Variants in PCDH11X observed in about 807,000 individuals in gnomAD.
PCDH11X encodes the protein protocadherin-11 X-linked.
A neutral mutation model predicts 53.3 loss-of-function variants in PCDH11X; 18 were observed. The observed-to-expected ratio is 0.34, with a 90% confidence interval of 0.23 to 0.50. PCDH11X has a LOEUF of 0.50. Ranked by LOEUF, PCDH11X falls within the 20% of genes least tolerant of loss-of-function variation. The pLI is 0.98. For missense variants in PCDH11X, 570 were observed against 1,032.4 expected, an observed-to-expected ratio of 0.55 and a Z score of 6.14; for synonymous variants, 279 against 393.3, an observed-to-expected ratio of 0.71 and a Z score of 3.44.
intron 6 of PCDH11X, among the ~76,000 whole-genome samples, chrX:92,145,182 G>T (rs927002683): frequency 3.6e-5 from 4 of 111,202 alleles, no homozygotes; most frequent in Non-Finnish European, 7.5e-5. Context: ...CTCTAATTTT[G>T]TATTCATTAA....
chrX:92,014,132 C>A (rs1477530224), intron 6 of PCDH11X, among the ~76,000 whole-genome samples: 1 of 110,201 alleles, frequency 9.1e-6, no homozygotes, highest in Non-Finnish European at 1.9e-5. Context: ...GCAATCTACT[C>A]ATCTGACAAA....
At chrX:92,287,441 G>T (rs957877940) in intron 8 of PCDH11X, among the ~76,000 whole-genome samples, 11 of 110,922 alleles carry the variant, frequency 9.9e-5, no homozygotes, top group African/African-American at 3.6e-4. Flanking sequence ...TGCAGTATTT[G>T]GTTTTCTGTT....
At chrX:92,132,117 CAA>C (rs1213410170) in intron 6 of PCDH11X, among the ~76,000 whole-genome samples, 5 of 41,090 alleles carry the variant, frequency 1.2e-4, no homozygotes, top group Non-Finnish European at 9.7e-5. Flanking sequence ...ACTAAAAATA[CAA>C]AAAAAAAAAA....
At chrX:92,570,138 G>T (rs1292743271) in intron 10 of PCDH11X, among the ~76,000 whole-genome samples, 17 of 108,094 alleles carry the variant, frequency 1.6e-4, no homozygotes, top group Non-Finnish European at 2.5e-4. Flanking sequence ...TTTAAATTTT[G>T]CAGGAGCTAT....
chrX:92,492,215 T>C (rs1293772311), intron 10 of PCDH11X, among the ~76,000 whole-genome samples: 1 of 112,143 alleles, frequency 8.9e-6, no homozygotes, highest in Admixed American at 9.5e-5. Flanking sequence ...GCTAATTGGC[T>C]CTGAGCCTCT....
rs780814273 is a variant in PCDH11X at position 92,256,410 on chromosome X, G to A, written c.3115-6704G>A. Among the ~76,000 whole-genome samples the A allele has an allele frequency of 2.3e-3, 255 of 110,602 alleles. 2 individuals carry two copies. Among genetic ancestry groups the A allele is most frequent in the African/African-American group, 6.9e-3 (211 of 30,568 alleles). On this transcript the variant is annotated intron_variant, in intron 7 of 10. Coordinates refer to ENST00000682573, the MANE Select transcript of PCDH11X (RefSeq NM_032968.5). Reference sequence around the variant, plus strand: ...GCAGAAATCACCCATCTTCTGTGTCGCTCAGGCTGGGAGCTGTAGACCGGA... The same window carrying A: ...GCAGAAATCACCCATCTTCTGTGTCACTCAGGCTGGGAGCTGTAGACCGGA...
intron 5 of PCDH11X, among the ~76,000 whole-genome samples, chrX:91,853,269 T>C (rs1213880467): frequency 9.0e-6 from 1 of 111,402 alleles, no homozygotes; most frequent in East Asian, 2.8e-4. Flanking sequence ...ATTTCACTAA[T>C]TGCACAAAAG....
chrX:91,941,978 T>G lies in PCDH11X; in HGVS notation c.3033+62705T>G, dbSNP rs1490139134. On this transcript the variant is annotated intron_variant, in intron 6 of 10. Transcript: ENST00000682573. Reference sequence around the variant, plus strand: ...ATTATTGGTACCAAAATAAAACATTTTGAACTGAATGGAAATGGAAAAATC... The same window carrying G: ...ATTATTGGTACCAAAATAAAACATTGTGAACTGAATGGAAATGGAAAAATC... Among the ~76,000 whole-genome samples the G allele has an allele frequency of 5.4e-5, 6 of 110,404 alleles. No individual in the cohort carries two copies. In the East Asian group the frequency reaches 1.7e-3, roughly 31 times the overall value.
At chrX:91,994,190 CT>C (rs1231039726) in intron 6 of PCDH11X, among the ~76,000 whole-genome samples, 3 of 96,935 alleles carry the variant, frequency 3.1e-5, no homozygotes, top group Non-Finnish European at 6.2e-5. Flanking sequence ...ACATATTTAC[CT>C]TTTTGTGTTT....
intron 6 of PCDH11X, among the ~76,000 whole-genome samples, chrX:91,882,503 G>A (rs1939961160): frequency 1.8e-5 from 2 of 111,428 alleles, no homozygotes; most frequent in South Asian, 7.4e-4. Context: ...AAAAATGAAA[G>A]TAGAATTTTT....
intron 8 of PCDH11X, among the ~76,000 whole-genome samples, chrX:92,354,930 A>G (rs1338372898): frequency 9.0e-6 from 1 of 110,901 alleles, no homozygotes; most frequent in Non-Finnish European, 1.9e-5. Context: ...AGCACAGAAG[A>G]TAAATCTGAA....
intron 6 of PCDH11X, among the ~76,000 whole-genome samples, chrX:92,083,812 C>T (rs937099215): frequency 9.0e-6 from 1 of 111,250 alleles, no homozygotes; most frequent in African/African-American, 3.3e-5. Flanking sequence ...ATCTTAGAGC[C>T]AGGCACGGTG....
At chrX:91,818,014 T>C (rs1357641565) in intron 4 of PCDH11X, among the ~76,000 whole-genome samples, 1 of 111,717 alleles carries the variant, frequency 9.0e-6, no homozygotes, top group Non-Finnish European at 1.9e-5. Flanking sequence ...TATTAAGGAG[T>C]TGGATATCTC....
At chrX:92,055,932 C>A (rs772476670) in intron 6 of PCDH11X, among the ~76,000 whole-genome samples, 1 of 110,764 alleles carries the variant, frequency 9.0e-6, no homozygotes, top group African/African-American at 3.3e-5. Flanking sequence ...ACCACATTTT[C>A]TTTACCCAGT....
chrX:92,462,943 G>T (rs1275680799), intron 9 of PCDH11X, among the ~76,000 whole-genome samples: 1 of 111,241 alleles, frequency 9.0e-6, no homozygotes, highest in Non-Finnish European at 1.9e-5. Flanking sequence ...ATGGCCTGGA[G>T]AAAACCAAAT....
In PCDH11X at chrX:92,345,827, G is replaced by A. The variant is rs185707947; in HGVS notation, c.3145-41908G>A. Among the ~76,000 whole-genome samples the A allele has an allele frequency of 1.5e-3, 159 of 108,415 alleles. 1 individual carries two copies. Among genetic ancestry groups the A allele is most frequent in the African/African-American group, 5.0e-3 (151 of 30,010 alleles). The allele number at this position is 108,415 out of a possible 115,157, so 94.1% of individuals were successfully genotyped here. A position where few individuals can be genotyped will look rare whatever the true frequency, so the allele number is the denominator to read the frequency against. ...CAGAATATGAAAACACAGGAGACAT[G>A]GTATTGAAAGCTAATTAGACACCCC... On this transcript the variant is annotated intron_variant, in intron 8 of 10. Transcript: ENST00000682573.
Position 92,226,639 on chromosome X carries a change from C to T in PCDH11X, c.3114+25184C>T, listed in dbSNP as rs781401251. Among the ~76,000 whole-genome samples the T allele has an allele frequency of 1.2e-4, 13 of 111,164 alleles. 1 individual carries two copies. The South Asian group carries it at 4.2e-3, about 36-fold the overall frequency. The stretch of plus-strand genomic sequence containing the variant: ...TAATATTTTTAGGTTTAATGACTAG[C>T]TTTGGGGAAGATGTTTGGGTTATTT... On this transcript the variant is annotated intron_variant, in intron 7 of 10. Transcript: ENST00000682573.
At chrX:92,282,470 GC>G in intron 8 of PCDH11X, among the ~76,000 whole-genome samples, 2 of 111,733 alleles carry the variant, frequency 1.8e-5, no homozygotes, top group Admixed American at 1.9e-4. Flanking sequence ...TCATTGAAAA[GC>G]CTATATCGTT....
At chrX:92,083,196 GAGCA>G (rs1415779389) in intron 6 of PCDH11X, among the ~76,000 whole-genome samples, 1 of 111,732 alleles carries the variant, frequency 8.9e-6, no homozygotes, top group Non-Finnish European at 1.9e-5. Context: ...AACTGTGTCA[GAGCA>G]AGCAAGAGTC....
Sources: allele counts gnomAD v4.1 joint callset (sites outside exome capture counted in the v4.1 genomes callset), GRCh38; gene constraint gnomAD v4.1.1; transcripts MANE v1.5; gene names NCBI Gene and HGNC (gene_info 2026-07-23, HGNC 2026-07-21).